GRID1: variants seen among roughly 807,000 people sequenced by gnomAD.
The protein encoded by GRID1 is glutamate receptor ionotropic, delta-1.
In GRID1, 28 loss-of-function variants were observed where a neutral mutation model predicts 98.0. The ratio of observed to expected loss-of-function variants is 0.29; its 90% CI spans 0.21 to 0.39. The LOEUF is 0.39. Among genes scored for constraint, GRID1 ranks in the 10% least tolerant of loss-of-function variants. The probability of loss-of-function intolerance (pLI) is 1.00; values close to 1 mark genes in which losing one functional copy is unlikely to be tolerated. For synonymous variants in GRID1, 553 were observed against 538.5 expected (o/e 1.03, Z -0.37); for missense variants, 1,111 against 1,340.5 (o/e 0.83, Z 2.67).
chr10:85,921,648 T>C (rs1016861902), intron 4 of GRID1, among the ~76,000 whole-genome samples: 1 of 152,136 alleles, frequency 6.6e-6, no homozygotes, highest in African/African-American at 2.4e-5. Flanking sequence ...TGGAGGCAGC[T>C]CTCCTAGACT....
At chr10:85,960,516 T>C (rs1184695824) in intron 4 of GRID1, among the ~76,000 whole-genome samples, 1 of 152,216 alleles carries the variant, frequency 6.6e-6, no homozygotes, top group Admixed American at 6.5e-5. Flanking sequence ...TGAGCTCCCC[T>C]CTGCATTTGC....
chr10:86,205,623 T>C (rs547093993), intron 3 of GRID1, among the ~76,000 whole-genome samples: 1 of 152,318 alleles, frequency 6.6e-6, no homozygotes, highest in Non-Finnish European at 1.5e-5. Context: ...TTGCTCCTTA[T>C]AATTGCATGT....
intron 3 of GRID1, among the ~76,000 whole-genome samples, chr10:86,177,743 A>T (rs1446733507): frequency 6.6e-6 from 1 of 151,996 alleles, no homozygotes; most frequent in African/African-American, 2.4e-5. Flanking sequence ...CATGAGCGAG[A>T]CAGTGTGTGC....
intron 4 of GRID1, among the ~76,000 whole-genome samples, chr10:86,097,653 G>GA (rs145175161): frequency 3.1e-4 from 47 of 149,556 alleles, no homozygotes; most frequent in East Asian, 9.8e-4. Flanking sequence ...ATAGCTAAAT[G>GA]AAAAAAAAAT....
chr10:85,986,164 G>A (rs1050745261), intron 4 of GRID1, among the ~76,000 whole-genome samples: 5 of 152,246 alleles, frequency 3.3e-5, no homozygotes, highest in African/African-American at 1.2e-4. Context: ...GATGGATTGG[G>A]TGGATGCATA....
intron 4 of GRID1, among the ~76,000 whole-genome samples, chr10:85,961,919 AAAG>A (rs200887335): frequency 0.01 from 1,525 of 152,316 alleles, 6 homozygotes; most frequent in Non-Finnish European, 0.015. Context: ...CAAAGGAAGA[AAAG>A]AAGAAAGAAA....
rs952779974 is a variant in GRID1 at position 85,704,921 on chromosome 10, T to G, written c.1997+18082A>C. Among the ~76,000 whole-genome samples the G allele has an allele frequency of 2.6e-5, 4 of 152,176 alleles. No individual in the cohort carries two copies. In the East Asian group the frequency reaches 5.8e-4, roughly 22 times the overall value. On this transcript the variant is annotated intron_variant, in intron 12 of 15. Coordinates refer to ENST00000327946, the MANE Select transcript of GRID1 (RefSeq NM_017551.3). ...AAATAAAGATGTTCTTTGAAACCAG[T>G]GAGAACAAAGACACAACATACCAGA... is the stretch of plus-strand genomic sequence containing the variant.
At chr10:86,098,886 A>G (rs761842416) in intron 4 of GRID1, among the ~76,000 whole-genome samples, 5 of 152,142 alleles carry the variant, frequency 3.3e-5, no homozygotes, top group Non-Finnish European at 7.4e-5. Context: ...CTCTTTTGTC[A>G]CACTTCTGCT....
chr10:86,253,982 T>C (rs1846875750), intron 2 of GRID1, among the ~76,000 whole-genome samples: 2 of 150,884 alleles, frequency 1.3e-5, no homozygotes, highest in Non-Finnish European at 3.0e-5. Context: ...AGCCAACAGC[T>C]TTCCTTACCA....
At chr10:86,146,658 C>A (rs1235533755) in intron 3 of GRID1, among the ~76,000 whole-genome samples, 3 of 152,190 alleles carry the variant, frequency 2.0e-5, no homozygotes, top group Non-Finnish European at 4.4e-5. Flanking sequence ...TTCCTTCCTT[C>A]CTCATATATT....
intron 12 of GRID1, among the ~76,000 whole-genome samples, chr10:85,714,998 GAGTAT>G (rs1436782635): frequency 6.6e-6 from 1 of 152,064 alleles, no homozygotes; most frequent in Non-Finnish European, 1.5e-5. Context: ...ATACAGTATA[GAGTAT>G]AGTAATTAAA....
chr10:85,727,421 G>T (rs976331976), intron 10 of GRID1, among the ~76,000 whole-genome samples: 1 of 152,106 alleles, frequency 6.6e-6, no homozygotes, highest in Non-Finnish European at 1.5e-5. Context: ...GGACCTGGGG[G>T]ATGCCACACC....
rs556996619 is a variant in GRID1 at position 86,274,783 on chromosome 10, G to T, written c.236-68135C>A. Among the ~76,000 whole-genome samples the T allele has an allele frequency of 1.9e-4, 29 of 151,822 alleles. 1 individual carries two copies. The South Asian group carries it at 5.5e-3, about 29-fold the overall frequency. On this transcript the variant is annotated intron_variant, in intron 2 of 15. Transcript: ENST00000327946. ...TTTTGTATCCTGAGACTTTGCTGAA[G>T]TTGCTTATCAGCTTAAGGAGATTTT...
At position 86,327,469 on chromosome 10, in the gene GRID1, A is replaced by G. The variant is rs140997866; in HGVS notation, c.235+36472T>C. 1.6e-3 allele frequency among the ~76,000 whole-genome samples: 240 copies of G among 152,298 alleles called. 3 individuals carry two copies. Among genetic ancestry groups the G allele is most frequent in the Middle Eastern group, 6.8e-3 (2 of 294 alleles). On this transcript the variant is annotated intron_variant, in intron 2 of 15. Transcript: ENST00000327946. ...CCACATGAGAACAATAGCACTCACAATCAATCAATGCCAATATTGAGTCAT... is the reference window on the plus strand; with the variant it reads ...CCACATGAGAACAATAGCACTCACAGTCAATCAATGCCAATATTGAGTCAT...
At chr10:85,697,344 G>C (rs1841405616) in intron 12 of GRID1, among the ~76,000 whole-genome samples, 1 of 151,988 alleles carries the variant, frequency 6.6e-6, no homozygotes, top group South Asian at 2.1e-4. Flanking sequence ...TGGTGAATTT[G>C]TTCCTTTTAT....
chr10:86,075,407 AG>A (rs1483734071), intron 4 of GRID1, among the ~76,000 whole-genome samples: 1 of 150,740 alleles, frequency 6.6e-6, no homozygotes, highest in Non-Finnish European at 1.5e-5. Flanking sequence ...CCACAAGCCA[AG>A]GAAGGCCAAA....
chr10:85,715,877 A>G (rs1841633169), intron 12 of GRID1, among the ~76,000 whole-genome samples: 2 of 151,884 alleles, frequency 1.3e-5, no homozygotes, highest in South Asian at 2.1e-4. Flanking sequence ...TTGCAGCATT[A>G]TTAGAAATTG....
chr10:86,025,943 G>A (rs1843110300), intron 4 of GRID1, among the ~76,000 whole-genome samples: 1 of 152,204 alleles, frequency 6.6e-6, no homozygotes, highest in African/African-American at 2.4e-5. Flanking sequence ...GTGCCTCAGG[G>A]TATAGTCCTT....
chr10:85,605,118 A>C (rs1842642023), intron 15 of GRID1, among the ~76,000 whole-genome samples: 2 of 152,230 alleles, frequency 1.3e-5, no homozygotes, highest in Non-Finnish European at 2.9e-5. Context: ...CTGGGCCTCC[A>C]GACAAGCCCT....
Sources: gnomAD v4.1 joint callset for allele counts (sites outside exome capture counted in the v4.1 genomes callset) on GRCh38, gnomAD v4.1.1 for gene constraint, MANE v1.5 for transcripts, NCBI Gene and HGNC (gene_info 2026-07-23, HGNC 2026-07-21) for gene names.